ASB3: variants seen among roughly 807,000 people sequenced by gnomAD.
ASB3 encodes ankyrin repeat and SOCS box protein 3.
A neutral mutation model predicts 54.5 loss-of-function variants in ASB3; 41 were observed. The ratio of observed to expected loss-of-function variants is 0.75; its 90% CI spans 0.59 to 0.98. ASB3 has a LOEUF of 0.98. ASB3 is among the 50% of genes least tolerant of loss of function. The pLI, the probability that ASB3 is intolerant of heterozygous loss-of-function variation, is 0.00. For synonymous variants in ASB3, 266 were observed against 221.2 expected (o/e 1.20, Z -1.80); for missense variants, 733 against 620.0 (o/e 1.18, Z -1.94).
At chr2:53,678,454 ACTT>A (rs1190791438) in intron 9 of ASB3, among the ~76,000 whole-genome samples, 1 of 152,244 alleles carries the variant, frequency 6.6e-6, no homozygotes, top group African/African-American at 2.4e-5. Flanking sequence ...AGAAAATACT[ACTT>A]CTTTACAGAA....
intron 5 of ASB3, among the ~76,000 whole-genome samples, chr2:53,717,366 A>C (rs892735087): frequency 1.3e-5 from 2 of 152,202 alleles, no homozygotes; most frequent in Non-Finnish European, 2.9e-5. Context: ...CCTTAAAACT[A>C]ATATTGACTA....
intron 5 of ASB3, among the ~76,000 whole-genome samples, chr2:53,723,551 G>A (rs1174984607): frequency 2.6e-5 from 4 of 151,708 alleles, no homozygotes; most frequent in East Asian, 1.9e-4. Flanking sequence ...TCAAACTACC[G>A]ACACCATTTT....
rs758730125 is a variant in ASB3 at position 53,716,758 on chromosome 2, TA to T, written c.605-16del. On this transcript the variant is annotated splice_polypyrimidine_tract_variant and intron_variant, in intron 5 of 9. Coordinates refer to ENST00000263634, the MANE Select transcript of ASB3 (RefSeq NM_016115.5). ...GACATTTGCACCTAAGGGTACAAAA[TA>T]AAACATTTAACAGATAACCCTAATA... is the stretch of plus-strand genomic sequence containing the variant. The T allele has an allele frequency of 3.1e-5, 50 of 1,603,274 alleles. No individual in the cohort carries two copies. The highest frequency in any genetic ancestry group is 2.9e-5 in the Non-Finnish European group (34 of 1,173,462).
At chr2:53,777,764 T>C (rs1386315677) in intron 1 of ASB3, among the ~76,000 whole-genome samples, 1 of 152,234 alleles carries the variant, frequency 6.6e-6, no homozygotes, top group African/African-American at 2.4e-5. Context: ...TAGATGGTAT[T>C]TTCACAATAT....
At chr2:53,696,495 G>C (rs1297204320) in intron 8 of ASB3, among the ~76,000 whole-genome samples, 1 of 152,158 alleles carries the variant, frequency 6.6e-6, no homozygotes, top group Non-Finnish European at 1.5e-5. Context: ...CATTTAGTTG[G>C]CTGGGGAGGA....
chr2:53,782,638 A>T (rs1057167058), intron 1 of ASB3, among the ~76,000 whole-genome samples: 2 of 152,144 alleles, frequency 1.3e-5, no homozygotes, highest in Non-Finnish European at 2.9e-5. Context: ...GAAGCCTTTG[A>T]GCATCTTCAT....
At chr2:53,708,048 T>A (rs916901375) in intron 7 of ASB3, among the ~76,000 whole-genome samples, 5 of 151,556 alleles carry the variant, frequency 3.3e-5, no homozygotes, top group Non-Finnish European at 7.4e-5. Flanking sequence ...GATCTACTGA[T>A]GTGGTTTGGA....
chr2:53,757,891 T>C (rs945857522), intron 2 of ASB3, among the ~76,000 whole-genome samples: 12 of 152,210 alleles, frequency 7.9e-5, no homozygotes, highest in Non-Finnish European at 1.3e-4. Context: ...CTCCAAGCCT[T>C]GGCTCCTTGG....
intron 9 of ASB3, among the ~76,000 whole-genome samples, chr2:53,685,141 C>A (rs377517537): frequency 6.6e-6 from 1 of 152,164 alleles, no homozygotes; most frequent in African/African-American, 2.4e-5. Context: ...AGTTCTTTTA[C>A]ATTCTCTTTT....
intron 9 of ASB3, among the ~76,000 whole-genome samples, chr2:53,677,788 C>T (rs1014240666): frequency 6.6e-6 from 1 of 152,100 alleles, no homozygotes; most frequent in Non-Finnish European, 1.5e-5. Context: ...CAGGGTTTGC[C>T]CTCATGTTCC....
chr2:53,715,491 T>G (rs568958257), intron 6 of ASB3, among the ~76,000 whole-genome samples: 1 of 152,262 alleles, frequency 6.6e-6, no homozygotes, highest in East Asian at 1.9e-4. Flanking sequence ...AAATCATCAG[T>G]GACAATGAGA....
At chr2:53,713,097 T>G (rs111272037) in intron 7 of ASB3, among the ~76,000 whole-genome samples, 1 of 152,190 alleles carries the variant, frequency 6.6e-6, no homozygotes, top group African/African-American at 2.4e-5. Context: ...CCATCACTTT[T>G]GGAGGCTGGA....
At position 53,753,038 on chromosome 2, in the gene ASB3, C is replaced by A. The variant is rs189851627; in HGVS notation, c.197-2097G>T. Among the ~76,000 whole-genome samples the A allele has an allele frequency of 3.3e-3, 502 of 150,594 alleles. 4 individuals carry two copies. Among genetic ancestry groups the A allele is most frequent in the African/African-American group, 0.012 (482 of 40,924 alleles). ...AGCAGAAAGAGTGAACCTTAATGTA[C>A]GCAATTTAAAAAAAAAAAATCAACC... On this transcript the variant is annotated intron_variant, in intron 2 of 9. Transcript: ENST00000263634.
intron 9 of ASB3, among the ~76,000 whole-genome samples, chr2:53,683,359 C>T (rs1668476352): frequency 1.3e-5 from 2 of 151,654 alleles, no homozygotes; most frequent in Admixed American, 6.6e-5. Flanking sequence ...TTGTAGAATT[C>T]GGTTTGCTAG....
At chr2:53,688,407 T>C (rs1436260710) in intron 9 of ASB3, among the ~76,000 whole-genome samples, 1 of 152,178 alleles carries the variant, frequency 6.6e-6, no homozygotes, top group Non-Finnish European at 1.5e-5. Context: ...AAAGAGTGCT[T>C]ACATGCAATG....
chr2:53,745,357 G>A (rs567209316), intron 3 of ASB3, among the ~76,000 whole-genome samples: 19 of 152,286 alleles, frequency 1.2e-4, no homozygotes, highest in Non-Finnish European at 8.8e-5. Flanking sequence ...TATTCATGTA[G>A]AAAGATGAGA....
intron 2 of ASB3, among the ~76,000 whole-genome samples, chr2:53,762,031 C>A (rs985246842): frequency 6.6e-6 from 1 of 152,180 alleles, no homozygotes; most frequent in African/African-American, 2.4e-5. Flanking sequence ...TGGTCTGTTG[C>A]ATTTTAAAAT....
chr2:53,714,526 T>G lies in ASB3; in HGVS notation c.838A>C (p.Lys280Gln), dbSNP rs772513063. 7.4e-6 allele frequency: 12 copies of G among 1,614,108 alleles called. No homozygotes were observed. The Admixed American group carries it at 1.8e-4, about 25-fold the overall frequency. ...TNRACDTGLN[K>Q]VSPVYSAVFG... is the part of the protein sequence containing the mutation. ...ACTGCTGAGTAAACAGGGCTTACTT[T>G]GTTTAGCCCAGTGTCACAGGCCCGG... The change falls in exon 7 of 10, where the codon AAA becomes CAA. Residue 280 changes from lysine to glutamine, a missense_variant. Lys to Gln is a moderately conservative substitution (Grantham distance 53). Coordinates refer to ENST00000263634, the MANE Select transcript of ASB3 (RefSeq NM_016115.5).
At chr2:53,670,957 C>T (rs756637443) in intron 9 of ASB3, among the ~76,000 whole-genome samples, 1 of 152,180 alleles carries the variant, frequency 6.6e-6, no homozygotes, top group Non-Finnish European at 1.5e-5. Flanking sequence ...TTCTAAAGAT[C>T]TGTTAATACC....
Sources: gnomAD v4.1 joint callset for allele counts (sites outside exome capture counted in the v4.1 genomes callset) on GRCh38, gnomAD v4.1.1 for gene constraint, MANE v1.5 for transcripts, NCBI Gene and HGNC (gene_info 2026-07-23, HGNC 2026-07-21) for gene names.